The following IGF1R variants were observed in gnomAD, a reference collection of about 807,000 sequenced individuals.
IGF1R encodes the protein insulin-like growth factor 1 receptor.
In IGF1R, 44 loss-of-function variants were observed where a neutral mutation model predicts 144.6. The ratio of observed to expected loss-of-function variants is 0.30; its 90% CI spans 0.24 to 0.39. The LOEUF is 0.39. IGF1R is among the 10% of genes least tolerant of loss of function. The pLI is 1.00. For synonymous variants in IGF1R, 795 were observed against 722.8 expected, an observed-to-expected ratio of 1.10 and a Z score of -1.60; for missense variants, 1,355 against 1,833.7, an observed-to-expected ratio of 0.74 and a Z score of 4.77.
intron 2 of IGF1R, among the ~76,000 whole-genome samples, chr15:98,855,290 C>T (rs932256325): frequency 1.3e-5 from 2 of 152,334 alleles, no homozygotes; most frequent in Non-Finnish European, 2.9e-5. Context: ...TCTCAGCCAG[C>T]GTGGGCACCT....
At chr15:98,711,587 T>G (rs923515982) in intron 2 of IGF1R, among the ~76,000 whole-genome samples, 11 of 152,202 alleles carry the variant, frequency 7.2e-5, no homozygotes, top group African/African-American at 2.4e-4. Flanking sequence ...CTTAAAGAAC[T>G]GTGTACAGTG....
At chr15:98,873,128 G>A (rs556218391) in intron 2 of IGF1R, among the ~76,000 whole-genome samples, 19 of 152,278 alleles carry the variant, frequency 1.2e-4, no homozygotes, top group African/African-American at 4.6e-4. Flanking sequence ...TCCAGTGGGA[G>A]GGGTTGGGGT....
chr15:98,771,459 A>G (rs1320575403), intron 2 of IGF1R, among the ~76,000 whole-genome samples: 1 of 152,148 alleles, frequency 6.6e-6, no homozygotes, highest in African/African-American at 2.4e-5. Context: ...GTGCTTACAC[A>G]TGTGGACGTA....
chr15:98,715,417 A>G (rs1207273904), intron 2 of IGF1R, among the ~76,000 whole-genome samples: 1 of 152,192 alleles, frequency 6.6e-6, no homozygotes, highest in African/African-American at 2.4e-5. Flanking sequence ...TGATTTTTGC[A>G]TGCCAAGTAT....
rs185462794 is a variant in IGF1R, at chr15:98,960,322, C to T, written c.*2880C>T. 97 of 233,038 alleles carry T rather than the reference C, an allele frequency of 4.2e-4. 1 individual carries two copies. The highest frequency in any genetic ancestry group is 2.5e-3 in the Admixed American group (44 of 17,788). 14.4% of individuals were successfully genotyped at this position (233,038 alleles called of 1,614,324 possible). ...TTTGTTTTGTTTTCTATCTTGGTTTCCACCAAGGTGTTAGATTTCTCCTCC... is the reference window on the plus strand; with the variant it reads ...TTTGTTTTGTTTTCTATCTTGGTTTTCACCAAGGTGTTAGATTTCTCCTCC... On this transcript the variant is annotated 3_prime_UTR_variant, in exon 21 of 21. Coordinates refer to ENST00000650285, the MANE Select transcript of IGF1R (RefSeq NM_000875.5).
chr15:98,667,492 C>T (rs1049418886), intron 1 of IGF1R, among the ~76,000 whole-genome samples: 26 of 152,226 alleles, frequency 1.7e-4, no homozygotes, highest in African/African-American at 4.8e-4. Context: ...CTTGGAGGGA[C>T]GCGCTGCTAG....
At chr15:98,837,866 A>G (rs1248693089) in intron 2 of IGF1R, among the ~76,000 whole-genome samples, 1 of 152,142 alleles carries the variant, frequency 6.6e-6, no homozygotes, top group African/African-American at 2.4e-5. Context: ...AAGAATGGAG[A>G]TATCTTTTCA....
chr15:98,788,613 G>A (rs1189672417), intron 2 of IGF1R, among the ~76,000 whole-genome samples: 3 of 152,162 alleles, frequency 2.0e-5, no homozygotes, highest in East Asian at 1.9e-4. Context: ...CACAGTTTGC[G>A]CAAGTTTGCA....
At chr15:98,753,093 A>G (rs2055057779) in intron 2 of IGF1R, among the ~76,000 whole-genome samples, 2 of 151,648 alleles carry the variant, frequency 1.3e-5, no homozygotes, top group African/African-American at 2.4e-5. Flanking sequence ...GTGCCACCAC[A>G]CCTAATTTGT....
intron 2 of IGF1R, among the ~76,000 whole-genome samples, chr15:98,815,835 G>C (rs1274355962): frequency 1.3e-5 from 2 of 152,132 alleles, no homozygotes; most frequent in East Asian, 3.9e-4. Context: ...TGCCTTCCAA[G>C]CCCTTCTTCT....
intron 2 of IGF1R, among the ~76,000 whole-genome samples, chr15:98,794,548 G>C (rs960270550): frequency 2.6e-5 from 4 of 152,174 alleles, no homozygotes; most frequent in Non-Finnish European, 5.9e-5. Context: ...AAATGGACTT[G>C]AGAATTAATT....
intron 2 of IGF1R, among the ~76,000 whole-genome samples, chr15:98,842,262 C>G (rs956782758): frequency 6.6e-6 from 1 of 152,120 alleles, no homozygotes; most frequent in African/African-American, 2.4e-5. Context: ...TACTTCTTTA[C>G]TTCCTTTGAT....
chr15:98,690,932 A>G (rs755134807), intron 1 of IGF1R, among the ~76,000 whole-genome samples: 1 of 152,252 alleles, frequency 6.6e-6, no homozygotes, highest in Non-Finnish European at 1.5e-5. Flanking sequence ...TGCGGCTTAC[A>G]TGCTCATGCA....
rs866633521 is a variant in IGF1R, at chr15:98,650,057, C to G, written c.94+382C>G. Among the ~76,000 whole-genome samples the G allele has an allele frequency of 1.1e-4, 17 of 149,924 alleles. No individual in the cohort carries two copies. In the South Asian group the frequency reaches 3.3e-3, roughly 29 times the overall value. Reference sequence around the variant, plus strand: ...CCCCTTCCATGCGCAAGAGCCTCTCCGCACACAGCGCTGATCCCCTGCGGC... The same window carrying G: ...CCCCTTCCATGCGCAAGAGCCTCTCGGCACACAGCGCTGATCCCCTGCGGC... On this transcript the variant is annotated intron_variant, in intron 1 of 20. Transcript: ENST00000650285.
At chr15:98,918,740 G>A (rs765362121) in intron 10 of IGF1R, among the ~76,000 whole-genome samples, 24 of 152,174 alleles carry the variant, frequency 1.6e-4, no homozygotes, top group Admixed American at 1.5e-3. Context: ...TTAGCCAAGC[G>A]TGGTGGTGCA....
chr15:98,950,097 C>A lies in IGF1R; in HGVS notation c.3722+1389C>A, dbSNP rs530376256. Among the ~76,000 whole-genome samples, 4 of 152,284 alleles carry A rather than the reference C, an allele frequency of 2.6e-5. No individual in the cohort carries two copies. The East Asian group carries it at 7.7e-4, about 29-fold the overall frequency. Reference sequence around the variant, plus strand: ...CCAATTCAGGAGATTTCCAGAAATGCTTTTCAGGACAGGTTTGGCTTCATT... The same window carrying A: ...CCAATTCAGGAGATTTCCAGAAATGATTTTCAGGACAGGTTTGGCTTCATT... On this transcript the variant is annotated intron_variant, in intron 20 of 20. Transcript: ENST00000650285.
At chr15:98,955,779 C>G (rs2016955169) in intron 20 of IGF1R, among the ~76,000 whole-genome samples, 1 of 152,222 alleles carries the variant, frequency 6.6e-6, no homozygotes. Context: ...CAGACACGGG[C>G]AGGTAGTCTG....
intron 2 of IGF1R, among the ~76,000 whole-genome samples, chr15:98,831,009 C>G (rs1030217606): frequency 2.0e-5 from 3 of 152,098 alleles, no homozygotes; most frequent in African/African-American, 4.8e-5. Flanking sequence ...GACGCCAGAT[C>G]TCCTGGTAGA....
rs1265830747 is a variant in IGF1R, at chr15:98,957,709, G to GCA, written c.*268_*269dup. On this transcript the variant is annotated 3_prime_UTR_variant, in exon 21 of 21. Transcript: ENST00000650285. ...AGAACCTTAATGACAACACTTAATA[G>GCA]CAACAGAGCACTTGAGAACCAGTCT... The GCA allele has an allele frequency of 6.8e-5, 37 of 547,786 alleles. No individual in the cohort carries two copies. The Middle Eastern group carries it at 1.5e-3, about 22-fold the overall frequency. The allele number at this position is 547,786 out of a possible 1,614,324, so 33.9% of individuals were successfully genotyped here.
Sources: allele counts gnomAD v4.1 joint callset (sites outside exome capture counted in the v4.1 genomes callset), GRCh38; gene constraint gnomAD v4.1.1; transcripts MANE v1.5; gene names NCBI Gene and HGNC (gene_info 2026-07-23, HGNC 2026-07-21).